SPIDR: variants seen among roughly 807,000 people sequenced by gnomAD.
The protein encoded by SPIDR is scaffold protein involved in DNA repair.
SPIDR carries 93 observed loss-of-function variants against 104.6 expected under a neutral mutation model. That is an observed-to-expected ratio of 0.89 (90% CI 0.75 to 1.06). The LOEUF (loss-of-function observed/expected upper bound fraction) is 1.06. Among genes scored for constraint, SPIDR ranks in the 50% least tolerant of loss-of-function variants. The pLI is 0.00. For synonymous variants in SPIDR, 431 were observed against 416.9 expected (o/e 1.03, Z -0.41); for missense variants, 1,154 against 1,111.2 (o/e 1.04, Z -0.55).
At position 47,735,243 on chromosome 8, in the gene SPIDR, G is replaced by T; in HGVS notation, c.2605-64G>T. The T allele has an allele frequency of 2.0e-6, 3 of 1,528,724 alleles. No individual in the cohort carries two copies. The Admixed American group carries it at 5.1e-5, about 26-fold the overall frequency. The allele number at this position is 1,528,724 out of a possible 1,614,324, so 94.7% of individuals were successfully genotyped here. ...TTCCACTCTGGCTCTCTGGTTTTCC[G>T]TGTTGTTGGGAACAGTACGTCCCAG... On this transcript the variant is annotated intron_variant, in intron 19 of 19. Transcript: ENST00000297423.
At chr8:47,514,086 C>T (rs1564195312) in intron 8 of SPIDR, among the ~76,000 whole-genome samples, 1 of 152,048 alleles carries the variant, frequency 6.6e-6, no homozygotes, top group African/African-American at 2.4e-5. Flanking sequence ...ATCAAAAGTC[C>T]GTGAATCTAA....
chr8:47,627,049 T>C (rs2066257686), intron 10 of SPIDR, among the ~76,000 whole-genome samples: 1 of 152,160 alleles, frequency 6.6e-6, no homozygotes, highest in Non-Finnish European at 1.5e-5. Flanking sequence ...CATGGAATAC[T>C]ATGCAGCCAT....
intron 8 of SPIDR, among the ~76,000 whole-genome samples, chr8:47,471,032 C>T (rs544752427): frequency 6.6e-6 from 1 of 152,258 alleles, no homozygotes; most frequent in African/African-American, 2.4e-5. Flanking sequence ...CCATGCCCGG[C>T]CGACTGAAAC....
intron 10 of SPIDR, among the ~76,000 whole-genome samples, chr8:47,631,167 A>G (rs574564876): frequency 9.2e-5 from 14 of 152,140 alleles, no homozygotes; most frequent in East Asian, 1.9e-4. Context: ...TCTCTTTCCA[A>G]GTCTCTGCCC....
rs193017762 is a variant in SPIDR at position 47,706,040 on chromosome 8, G to T, written c.1977+4025G>T. Among the ~76,000 whole-genome samples the T allele has an allele frequency of 1.6e-3, 241 of 152,200 alleles. 1 individual carries two copies. Among genetic ancestry groups the T allele is most frequent in the African/African-American group, 5.6e-3 (233 of 41,534 alleles). Reference sequence around the variant, plus strand: ...AGTAGATTGCAAAGAAATACACGGGGGGTCTGGTGCACCCCTCCACCCCCA... The same window carrying T: ...AGTAGATTGCAAAGAAATACACGGGTGGTCTGGTGCACCCCTCCACCCCCA... On this transcript the variant is annotated intron_variant, in intron 14 of 19. Transcript: ENST00000297423.
intron 8 of SPIDR, among the ~76,000 whole-genome samples, chr8:47,491,062 T>G (rs1262956869): frequency 6.6e-6 from 1 of 152,156 alleles, no homozygotes; most frequent in Non-Finnish European, 1.5e-5. Context: ...AGCCAAAACT[T>G]GTAACTACAA....
intron 8 of SPIDR, among the ~76,000 whole-genome samples, chr8:47,493,230 A>C: frequency 6.6e-6 from 1 of 152,204 alleles, no homozygotes; most frequent in Admixed American, 6.5e-5. Flanking sequence ...ACAGATTTCC[A>C]GTAATAGAAT....
chr8:47,482,523 T>TA (rs1360558408), intron 8 of SPIDR, among the ~76,000 whole-genome samples: 2 of 152,198 alleles, frequency 1.3e-5, no homozygotes, highest in Non-Finnish European at 2.9e-5. Context: ...GGCCAGCAGA[T>TA]ACTGATGGAG....
chr8:47,483,138 G>T (rs1247930779), intron 8 of SPIDR, among the ~76,000 whole-genome samples: 9 of 150,894 alleles, frequency 6.0e-5, no homozygotes, highest in African/African-American at 1.7e-4. Context: ...GTTTTTTTTT[G>T]TTTGTTTTGT....
At chr8:47,407,793 A>G (rs2062959290) in intron 6 of SPIDR, 68 bp from the exon 7 acceptor site, 1 of 945,362 alleles carries the variant, frequency 1.1e-6, no homozygotes, top group Non-Finnish European at 1.6e-6. Context: ...GGTATACAAT[A>G]TAAATGTTCC....
chr8:47,650,320 G>A (rs767180297), intron 10 of SPIDR, among the ~76,000 whole-genome samples: 18 of 152,196 alleles, frequency 1.2e-4, no homozygotes, highest in Middle Eastern at 6.8e-3. Flanking sequence ...ATGACCAAGC[G>A]GGGAATCAAA....
chr8:47,457,122 A>C (rs1399695518), intron 8 of SPIDR, among the ~76,000 whole-genome samples: 1 of 152,206 alleles, frequency 6.6e-6, no homozygotes, highest in Non-Finnish European at 1.5e-5. Context: ...GTCAATACCC[A>C]GTAGTGGGAT....
chr8:47,691,072 G>T (rs1441556844), intron 11 of SPIDR, among the ~76,000 whole-genome samples: 1 of 151,798 alleles, frequency 6.6e-6, no homozygotes, highest in Non-Finnish European at 1.5e-5. Flanking sequence ...AGAGCAGATT[G>T]CTTGAGGTCA....
At chr8:47,310,178 C>T (rs1199026821) in intron 5 of SPIDR, among the ~76,000 whole-genome samples, 8 of 145,200 alleles carry the variant, frequency 5.5e-5, no homozygotes, top group African/African-American at 2.0e-4. Context: ...ACTAAAAATA[C>T]AAAAAATTAG....
intron 11 of SPIDR, among the ~76,000 whole-genome samples, chr8:47,685,111 C>G (rs1292816825): frequency 6.6e-6 from 1 of 152,204 alleles, no homozygotes; most frequent in African/African-American, 2.4e-5. Context: ...ATTTGGGAGG[C>G]TGAGGCCGGA....
intron 7 of SPIDR, among the ~76,000 whole-genome samples, chr8:47,418,472 A>G (rs2154331972): frequency 6.6e-6 from 1 of 152,314 alleles, no homozygotes; most frequent in Admixed American, 6.5e-5. Context: ...TTGATTTTGT[A>G]TCCTGAGACT....
chr8:47,283,237 A>G (rs1021771707), intron 2 of SPIDR, among the ~76,000 whole-genome samples: 1 of 152,166 alleles, frequency 6.6e-6, no homozygotes. Flanking sequence ...AGGTTATTAA[A>G]TTGACTTAAT....
At chr8:47,373,393 A>G (rs1554640192) in intron 5 of SPIDR, among the ~76,000 whole-genome samples, 1 of 152,202 alleles carries the variant, frequency 6.6e-6, no homozygotes, top group African/African-American at 2.4e-5. Context: ...ACACATTAGT[A>G]CTTTGTGTGG....
At position 47,609,254 on chromosome 8, in the gene SPIDR, A is replaced by G. The variant is rs138086238; in HGVS notation, c.1544+10058A>G. ...AGATTTATCATTTTAATGAGGTCCA[A>G]TTTGTCATTTTTGTTATTATTATTG... On this transcript the variant is annotated intron_variant, in intron 10 of 19. Coordinates refer to ENST00000297423, the MANE Select transcript of SPIDR (RefSeq NM_001080394.4). Among the ~76,000 whole-genome samples the G allele has an allele frequency of 2.9e-3, 434 of 152,196 alleles. 1 individual carries two copies. The highest frequency in any genetic ancestry group is 5.0e-3 in the Non-Finnish European group (337 of 68,012).
Sources: allele counts gnomAD v4.1 joint callset (sites outside exome capture counted in the v4.1 genomes callset), GRCh38; gene constraint gnomAD v4.1.1; transcripts MANE v1.5; gene names NCBI Gene and HGNC (gene_info 2026-07-23, HGNC 2026-07-21).